GRIA4: variants seen among roughly 807,000 people sequenced by gnomAD.
GRIA4 encodes glutamate ionotropic receptor AMPA type subunit 4.
A neutral mutation model predicts 104.0 loss-of-function variants in GRIA4; 34 were observed. The ratio of observed to expected loss-of-function variants is 0.33; its 90% CI spans 0.25 to 0.44. The LOEUF is 0.44. GRIA4 is among the 20% of genes least tolerant of loss of function. GRIA4 has a pLI of 1.00. For missense variants in GRIA4, 750 were observed against 1,096.5 expected (o/e 0.68, Z 4.46); for synonymous variants, 386 against 381.9 (o/e 1.01, Z -0.13).
intron 4 of GRIA4, among the ~76,000 whole-genome samples, chr11:105,814,280 T>C (rs1304545107): frequency 2.0e-5 from 3 of 152,354 alleles, no homozygotes; most frequent in East Asian, 3.9e-4. Flanking sequence ...TGGACATTAA[T>C]GTCTGGTACG....
At chr11:105,961,633 C>T (rs546491749) in intron 14 of GRIA4, among the ~76,000 whole-genome samples, 21 of 152,182 alleles carry the variant, frequency 1.4e-4, no homozygotes, top group African/African-American at 4.6e-4. Context: ...GTTCAGCATC[C>T]GTAATCTGAA....
Position 105,942,298 on chromosome 11 carries a change from T to G in GRIA4, c.2294+8329T>G, listed in dbSNP as rs185560697. ...TAAGTGATACAGTAATAATATTGTA[T>G]AAGCCATAGAATTAGTTAAATACAT... On this transcript the variant is annotated intron_variant, in intron 14 of 16. Transcript: ENST00000282499. Among the ~76,000 whole-genome samples the G allele has an allele frequency of 3.0e-3, 451 of 152,196 alleles. 3 individuals carry two copies. Among genetic ancestry groups the G allele is most frequent in the African/African-American group, 0.01 (435 of 41,568 alleles).
chr11:105,634,321 C>T (rs1299904202), intron 3 of GRIA4, among the ~76,000 whole-genome samples: 10 of 145,364 alleles, frequency 6.9e-5, no homozygotes, highest in Admixed American at 1.4e-4. Context: ...CCTTTGCACT[C>T]CAGCCTGGAT....
rs1402987097 is a variant in GRIA4 at position 105,723,241 on chromosome 11, C to T, written c.248-29740C>T. ...CAAATTACGCAATTTTAAAATGTAG[C>T]TGAGTGTAATGGGCTCTTTAAATTC... On this transcript the variant is annotated intron_variant, in intron 3 of 16. Coordinates refer to ENST00000282499, the MANE Select transcript of GRIA4 (RefSeq NM_000829.4). 2.6e-5 allele frequency among the ~76,000 whole-genome samples: 4 copies of T among 152,156 alleles called. No individual in the cohort carries two copies. The East Asian group carries it at 7.7e-4, about 29-fold the overall frequency.
chr11:105,781,920 G>A (rs1941746001), intron 4 of GRIA4, among the ~76,000 whole-genome samples: 1 of 152,030 alleles, frequency 6.6e-6, no homozygotes, highest in African/African-American at 2.4e-5. Flanking sequence ...GAGTAATTTT[G>A]CTTAAGGATT....
chr11:105,835,204 A>G (rs190426084), intron 4 of GRIA4, among the ~76,000 whole-genome samples: 1 of 152,068 alleles, frequency 6.6e-6, no homozygotes, highest in Non-Finnish European at 1.5e-5. Flanking sequence ...GAAAGAAAAA[A>G]TTAATTATAT....
At chr11:105,797,925 T>A (rs774430699) in intron 4 of GRIA4, 1 of 404,584 alleles carries the variant, frequency 2.5e-6, no homozygotes, top group South Asian at 1.8e-5. Context: ...ATTTTTGGAA[T>A]GAGCTGATGC....
chr11:105,632,539 T>A (rs1951061298), intron 3 of GRIA4, among the ~76,000 whole-genome samples: 1 of 152,224 alleles, frequency 6.6e-6, no homozygotes, highest in Non-Finnish European at 1.5e-5. Context: ...AAATTAATCA[T>A]CCTCTTTGAG....
At chr11:105,650,472 T>G (rs1398162619) in intron 3 of GRIA4, among the ~76,000 whole-genome samples, 1 of 152,100 alleles carries the variant, frequency 6.6e-6, no homozygotes, top group African/African-American at 2.4e-5. Flanking sequence ...ATTTAAATAT[T>G]TTATTATGTA....
chr11:105,952,957 T>A (rs1159259653), intron 14 of GRIA4, among the ~76,000 whole-genome samples: 1 of 152,220 alleles, frequency 6.6e-6, no homozygotes, highest in South Asian at 2.1e-4. Flanking sequence ...TAAAAACTTT[T>A]TGCATATATA....
At chr11:105,741,459 T>C (rs1375165649) in intron 3 of GRIA4, among the ~76,000 whole-genome samples, 1 of 152,168 alleles carries the variant, frequency 6.6e-6, no homozygotes, top group African/African-American at 2.4e-5. Context: ...AGAAACATTG[T>C]AGAAGAAGTG....
At chr11:105,795,238 T>C (rs1293527508) in intron 4 of GRIA4, among the ~76,000 whole-genome samples, 2 of 152,090 alleles carry the variant, frequency 1.3e-5, no homozygotes, top group African/African-American at 4.8e-5. Flanking sequence ...ATACCAGAAA[T>C]TGTTAAGCAC....
intron 4 of GRIA4, among the ~76,000 whole-genome samples, chr11:105,824,397 A>G (rs1943690297): frequency 6.6e-6 from 1 of 152,000 alleles, no homozygotes; most frequent in African/African-American, 2.4e-5. Flanking sequence ...ACTTCCTACT[A>G]TGGAAGATGA....
At chr11:105,792,214 A>T (rs553753918) in intron 4 of GRIA4, among the ~76,000 whole-genome samples, 1 of 152,170 alleles carries the variant, frequency 6.6e-6, no homozygotes, top group Non-Finnish European at 1.5e-5. Flanking sequence ...GTGTAATATG[A>T]TGAAATTTAC....
rs560670198 is a variant in GRIA4 at position 105,816,584 on chromosome 11, C to T, written c.488-45440C>T. ...CCTGCAGAACCATGAACCAAATAAA[C>T]GTCTTTTCTTATAAATTACCCAGTC... On this transcript the variant is annotated intron_variant, in intron 4 of 16. Transcript: ENST00000282499. Among the ~76,000 whole-genome samples the T allele has an allele frequency of 7.6e-4, 115 of 152,166 alleles. No homozygotes were observed. In the Middle Eastern group the frequency reaches 0.01, roughly 14 times the overall value.
intron 4 of GRIA4, among the ~76,000 whole-genome samples, chr11:105,834,712 C>CTTTTTTTTTT (rs5794429): frequency 7.6e-6 from 1 of 131,638 alleles, no homozygotes; most frequent in Non-Finnish European, 1.6e-5. Flanking sequence ...TACAAAAAGA[C>CTTTTTTTTTT]TTTTTTTTTT....
chr11:105,766,392 A>T (rs1940942708), intron 4 of GRIA4, among the ~76,000 whole-genome samples: 1 of 152,182 alleles, frequency 6.6e-6, no homozygotes. Context: ...GTTAATCTCT[A>T]CATAAAATAA....
chr11:105,888,271 CTTTTTTTTTT>C (rs71469040), intron 6 of GRIA4, among the ~76,000 whole-genome samples: 15 of 54,560 alleles, frequency 2.7e-4, no homozygotes, highest in Admixed American at 3.5e-4. Flanking sequence ...ATGTTTTCTC[CTTTTTTTTTT>C]TTTTTTTTTT....
At chr11:105,962,758 G>A (rs1948773659) in intron 14 of GRIA4, among the ~76,000 whole-genome samples, 1 of 152,108 alleles carries the variant, frequency 6.6e-6, no homozygotes, top group Admixed American at 6.5e-5. Context: ...CTCCAATATG[G>A]TTTAAACATC....
Sources: allele counts gnomAD v4.1 joint callset (sites outside exome capture counted in the v4.1 genomes callset), GRCh38; gene constraint gnomAD v4.1.1; transcripts MANE v1.5; gene names NCBI Gene and HGNC (gene_info 2026-07-23, HGNC 2026-07-21).